Variants in PRLR observed in about 807,000 individuals in gnomAD.
PRLR encodes the protein prolactin receptor.
In PRLR, 13 loss-of-function variants were observed where a neutral mutation model predicts 40.2. The observed-to-expected ratio is 0.32, with a 90% confidence interval of 0.21 to 0.51. PRLR has a LOEUF of 0.51. PRLR is among the 20% of genes least tolerant of loss of function. PRLR has a pLI of 0.97. For missense variants in PRLR, 656 were observed against 747.3 expected, an observed-to-expected ratio of 0.88 and a Z score of 1.42; for synonymous variants, 269 against 278.7, an observed-to-expected ratio of 0.97 and a Z score of 0.35.
chr5:35,067,617 A>C (rs1354439235), intron 9 of PRLR, among the ~76,000 whole-genome samples: 2 of 152,200 alleles, frequency 1.3e-5, no homozygotes, highest in African/African-American at 4.8e-5. Flanking sequence ...AGCCAAACTG[A>C]AACTATTTAT....
intron 1 of PRLR, among the ~76,000 whole-genome samples, chr5:35,142,482 A>C (rs1377993057): frequency 6.6e-6 from 1 of 152,244 alleles, no homozygotes; most frequent in Admixed American, 6.5e-5. Flanking sequence ...GAATTTAATA[A>C]TGAGCACTTC....
intron 1 of PRLR, among the ~76,000 whole-genome samples, chr5:35,187,948 C>T (rs1775491254): frequency 6.6e-6 from 1 of 152,222 alleles, no homozygotes; most frequent in Admixed American, 6.5e-5. Context: ...ATCAAAATCT[C>T]TCTGTGGACA....
At chr5:35,176,824 G>T (rs1775162316) in intron 1 of PRLR, among the ~76,000 whole-genome samples, 1 of 152,216 alleles carries the variant, frequency 6.6e-6, no homozygotes, top group Non-Finnish European at 1.5e-5. Context: ...GTGCTGAGGA[G>T]GATTAGTATA....
At chr5:35,095,044 G>A (rs1287389595) in intron 2 of PRLR, among the ~76,000 whole-genome samples, 1 of 152,018 alleles carries the variant, frequency 6.6e-6, no homozygotes, top group East Asian at 1.9e-4. Context: ...GCCCAGGCTG[G>A]TCTCAAACTC....
chr5:35,133,074 T>C (rs1773736902), intron 1 of PRLR, among the ~76,000 whole-genome samples: 2 of 152,178 alleles, frequency 1.3e-5, no homozygotes, highest in African/African-American at 4.8e-5. Context: ...ATTCCTGCCC[T>C]TGGACTTCAG....
At chr5:35,224,524 C>T (rs888135809) in intron 1 of PRLR, among the ~76,000 whole-genome samples, 1 of 152,132 alleles carries the variant, frequency 6.6e-6, no homozygotes, top group African/African-American at 2.4e-5. Context: ...AATGTTATTC[C>T]AAGAGAATCT....
rs1771083079 is a variant in PRLR at position 35,089,679 on chromosome 5, G to A, written c.-43-16C>T. ...CAGAAGTTCACTGGAAGAGAAGGTA[G>A]CAGGTAACTTTTGTGAAATGGCAGT... On this transcript the variant is annotated splice_polypyrimidine_tract_variant and intron_variant, in intron 2 of 9. Transcript: ENST00000618457. 5 of 1,582,840 alleles carry A rather than the reference G, an allele frequency of 3.2e-6. No homozygotes were observed. In the East Asian group the frequency reaches 1.1e-4, roughly 35 times the overall value.
intron 2 of PRLR, among the ~76,000 whole-genome samples, chr5:35,098,063 A>G (rs1391174207): frequency 1.3e-5 from 2 of 152,190 alleles, no homozygotes; most frequent in East Asian, 1.9e-4. Context: ...ATAGGATTGC[A>G]TATTCCTACC....
intron 1 of PRLR, among the ~76,000 whole-genome samples, chr5:35,204,425 A>G (rs1438886250): frequency 6.6e-6 from 1 of 151,938 alleles, no homozygotes; most frequent in East Asian, 1.9e-4. Flanking sequence ...GGGCTTTGGG[A>G]TTTCTAATAA....
intron 1 of PRLR, among the ~76,000 whole-genome samples, chr5:35,171,507 G>A (rs1157532580): frequency 2.0e-5 from 3 of 152,170 alleles, no homozygotes; most frequent in Non-Finnish European, 4.4e-5. Flanking sequence ...CAACTGGGCT[G>A]TTTTGGGCAC....
At position 35,071,023 on chromosome 5, in the gene PRLR, A is replaced by C. The variant is rs189567697; in HGVS notation, c.544-758T>G. On this transcript the variant is annotated intron_variant, in intron 6 of 9. Transcript: ENST00000618457. ...AACATGACCTTACAATCAAGGGATC[A>C]GTTTGTCATCTCCTCAATTCAGGGG... Among the ~76,000 whole-genome samples the C allele has an allele frequency of 9.7e-4, 147 of 152,276 alleles. 2 individuals are homozygous for C. Among genetic ancestry groups the C allele is most frequent in the African/African-American group, 3.4e-3 (141 of 41,558 alleles).
intron 1 of PRLR, among the ~76,000 whole-genome samples, chr5:35,222,171 C>T (rs372226550): frequency 2.0e-5 from 3 of 152,056 alleles, no homozygotes; most frequent in African/African-American, 4.8e-5. Flanking sequence ...GGCTTGGTGG[C>T]GCGTGCCTGT....
intron 1 of PRLR, among the ~76,000 whole-genome samples, chr5:35,187,617 G>A (rs1283804346): frequency 6.6e-6 from 1 of 152,130 alleles, no homozygotes; most frequent in African/African-American, 2.4e-5. Flanking sequence ...AATGGATTAT[G>A]AAGATTCCTC....
chr5:35,219,306 A>G (rs1168970601), intron 1 of PRLR, among the ~76,000 whole-genome samples: 1 of 152,218 alleles, frequency 6.6e-6, no homozygotes, highest in East Asian at 1.9e-4. Flanking sequence ...TTCAGTTCAA[A>G]ACCTGGCTTT....
At chr5:35,129,443 A>G (rs1773582268) in intron 1 of PRLR, among the ~76,000 whole-genome samples, 1 of 152,164 alleles carries the variant, frequency 6.6e-6, no homozygotes, top group Non-Finnish European at 1.5e-5. Flanking sequence ...GTGGAACTGT[A>G]CAACTCAGAA....
intron 1 of PRLR, among the ~76,000 whole-genome samples, chr5:35,218,436 C>T (rs867256054): frequency 1.3e-5 from 2 of 152,046 alleles, no homozygotes; most frequent in Non-Finnish European, 1.5e-5. Context: ...ATATAGAAGA[C>T]AAATCATCAC....
chr5:35,219,981 C>G (rs1295227464), intron 1 of PRLR, among the ~76,000 whole-genome samples: 2 of 152,158 alleles, frequency 1.3e-5, no homozygotes, highest in Non-Finnish European at 2.9e-5. Flanking sequence ...CCTCCAAATT[C>G]CATCCTGAAT....
At chr5:35,196,646 C>T (rs1484478066) in intron 1 of PRLR, among the ~76,000 whole-genome samples, 1 of 152,220 alleles carries the variant, frequency 6.6e-6, no homozygotes, top group Non-Finnish European at 1.5e-5. Flanking sequence ...CTCTGTCTCC[C>T]AGGCTGCTAC....
intron 5 of PRLR, chr5:35,081,875 C>T (rs564586327): frequency 2.7e-4 from 49 of 182,092 alleles, no homozygotes; most frequent in Admixed American, 1.1e-3. Flanking sequence ...GACACCCCCT[C>T]TTCTACTTTT....
Sources: gnomAD v4.1 joint callset for allele counts (sites outside exome capture counted in the v4.1 genomes callset) on GRCh38, gnomAD v4.1.1 for gene constraint, MANE v1.5 for transcripts, NCBI Gene and HGNC (gene_info 2026-07-23, HGNC 2026-07-21) for gene names.